The following SLC22A15 variants were observed in gnomAD, a reference collection of about 807,000 sequenced individuals.
SLC22A15 encodes solute carrier family 22 member 15.
In SLC22A15, 45 loss-of-function variants were observed where a neutral mutation model predicts 62.7. That is an observed-to-expected ratio of 0.72 (90% CI 0.56 to 0.92). The LOEUF (loss-of-function observed/expected upper bound fraction) is 0.92, where lower values mean the gene tolerates loss of function less well. Ranked by LOEUF, SLC22A15 falls within the 40% of genes least tolerant of loss-of-function variation. The pLI is 0.00. For synonymous variants in SLC22A15, 264 were observed against 267.0 expected (o/e 0.99, Z 0.11); for missense variants, 622 against 665.6 (o/e 0.93, Z 0.72).
intron 9 of SLC22A15, among the ~76,000 whole-genome samples, chr1:116,064,058 T>TA (rs1658442163): frequency 6.6e-6 from 1 of 152,158 alleles, no homozygotes; most frequent in South Asian, 2.1e-4. Context: ...ACTTTTAACT[T>TA]AAAAATATTC....
chr1:116,054,299 A>C (rs1658140884), intron 8 of SLC22A15, among the ~76,000 whole-genome samples: 1 of 151,850 alleles, frequency 6.6e-6, no homozygotes, highest in African/African-American at 2.4e-5. Context: ...AGATCAAAAG[A>C]GACAAAGAAG....
chr1:116,007,563 A>T (rs765873411), intron 2 of SLC22A15, among the ~76,000 whole-genome samples: 1 of 152,180 alleles, frequency 6.6e-6, no homozygotes, highest in South Asian at 2.1e-4. Flanking sequence ...GGGTAAGAAG[A>T]TAAGTTTATA....
intron 6 of SLC22A15, 114 bp from the exon 7 acceptor site, chr1:116,035,073 C>T: frequency 9.1e-7 from 1 of 1,101,208 alleles, no homozygotes; most frequent in Non-Finnish European, 1.3e-6. Context: ...TTGCTTACAG[C>T]AGATCAAGCA....
chr1:116,047,011 A>G (rs1371164002), intron 8 of SLC22A15, among the ~76,000 whole-genome samples: 1 of 152,112 alleles, frequency 6.6e-6, no homozygotes, highest in Non-Finnish European at 1.5e-5. Flanking sequence ...CAAAAGACAT[A>G]AAATCCTGGG....
chr1:116,011,115 A>G (rs1017124667), intron 2 of SLC22A15, among the ~76,000 whole-genome samples: 1 of 152,204 alleles, frequency 6.6e-6, no homozygotes, highest in Non-Finnish European at 1.5e-5. Flanking sequence ...TTTAGAAGGG[A>G]TACAGCAGCC....
At position 116,063,030 on chromosome 1, in the gene SLC22A15, G is replaced by A. The variant is rs566279025; in HGVS notation, c.1292+148G>A. ...AGCAAGCAGTTTAGGGTGAGAGCTT[G>A]CCTTGGCAGACTGCTCTCTGCCTGC... On this transcript the variant is annotated intron_variant, in intron 9 of 11. Transcript: ENST00000369503. 9 of 994,748 alleles carry A rather than the reference G, an allele frequency of 9.0e-6. 1 individual carries two copies. The East Asian group carries it at 2.0e-4, about 22-fold the overall frequency. The allele number at this position is 994,748 out of a possible 1,614,324, so 61.6% of individuals were successfully genotyped here.
chr1:115,994,125 A>C (rs1655299788), intron 2 of SLC22A15, among the ~76,000 whole-genome samples: 1 of 152,166 alleles, frequency 6.6e-6, no homozygotes, highest in South Asian at 2.1e-4. Flanking sequence ...TTGAGGTCAG[A>C]AACCATGTTT....
intron 2 of SLC22A15, among the ~76,000 whole-genome samples, chr1:116,001,744 A>G (rs1053323241): frequency 6.6e-6 from 1 of 152,006 alleles, no homozygotes; most frequent in Admixed American, 6.6e-5. Context: ...TCTCTGAGTT[A>G]TCTTGGATTT....
At chr1:116,009,846 G>T (rs563776489) in intron 2 of SLC22A15, among the ~76,000 whole-genome samples, 1 of 152,260 alleles carries the variant, frequency 6.6e-6, no homozygotes, top group African/African-American at 2.4e-5. Flanking sequence ...CAAATATGAA[G>T]CCCTGTTGAC....
chr1:116,017,396 A>G (rs549071640), intron 2 of SLC22A15: 39 of 152,242 alleles, frequency 2.6e-4, no homozygotes, highest in African/African-American at 9.4e-4. Context: ...AAAAGAAAAA[A>G]AAGGAAAGAA....
At chr1:116,020,657 A>C in intron 3 of SLC22A15, 64 bp from the exon 4 acceptor site, 1 of 1,309,798 alleles carries the variant, frequency 7.6e-7, no homozygotes, top group Non-Finnish European at 1.1e-6. Flanking sequence ...AATGAATATA[A>C]TTTATTACTT....
chr1:116,062,726 T>C (rs747811922), intron 8 of SLC22A15, 36 bp from the exon 9 acceptor site: 21 of 1,612,608 alleles, frequency 1.3e-5, no homozygotes, highest in Non-Finnish European at 1.8e-5. Context: ...TTGTTTCAAC[T>C]GTGGGTCTCA....
intron 1 of SLC22A15, 133 bp downstream of exon 1, chr1:115,976,847 CG>C (rs1467697746): frequency 2.1e-5 from 14 of 659,620 alleles, no homozygotes; most frequent in Non-Finnish European, 3.1e-5. Context: ...TGGCGAGCGT[CG>C]GGGTGGGGCA....
intron 8 of SLC22A15, among the ~76,000 whole-genome samples, chr1:116,054,221 A>C (rs376742185): frequency 3.3e-5 from 5 of 152,096 alleles, no homozygotes; most frequent in African/African-American, 4.8e-5. Context: ...TCTACCAAGC[A>C]AATGGAAAAC....
chr1:115,981,650 G>GA (rs1654614747), intron 1 of SLC22A15, among the ~76,000 whole-genome samples: 1 of 152,200 alleles, frequency 6.6e-6, no homozygotes, highest in Non-Finnish European at 1.5e-5. Context: ...GGAGGCTGTA[G>GA]AGATACAGGA....
At chr1:116,047,227 G>C (rs1657949741) in intron 8 of SLC22A15, among the ~76,000 whole-genome samples, 1 of 152,114 alleles carries the variant, frequency 6.6e-6, no homozygotes, top group African/African-American at 2.4e-5. Context: ...AGGAGTTCGA[G>C]ACCAGCCTGG....
chr1:115,999,138 A>G (rs1386211014), intron 2 of SLC22A15, among the ~76,000 whole-genome samples: 1 of 152,192 alleles, frequency 6.6e-6, no homozygotes, highest in Non-Finnish European at 1.5e-5. Context: ...ATTGGAGAAG[A>G]TATTTGAAAT....
At chr1:115,983,535 G>A (rs1356154952) in intron 1 of SLC22A15, among the ~76,000 whole-genome samples, 3 of 152,092 alleles carry the variant, frequency 2.0e-5, no homozygotes, top group Non-Finnish European at 4.4e-5. Context: ...ATACTGTTGC[G>A]GGAGCTCGTT....
intron 2 of SLC22A15, among the ~76,000 whole-genome samples, chr1:116,006,570 AC>A (rs1655994832): frequency 6.6e-6 from 1 of 152,170 alleles, no homozygotes; most frequent in Non-Finnish European, 1.5e-5. Flanking sequence ...CCTTCCTGTT[AC>A]CTAAATCTTA....
Sources: allele counts gnomAD v4.1 joint callset (sites outside exome capture counted in the v4.1 genomes callset), GRCh38; gene constraint gnomAD v4.1.1; transcripts MANE v1.5; gene names NCBI Gene and HGNC (gene_info 2026-07-23, HGNC 2026-07-21).